KHDC1: variants seen among roughly 807,000 people sequenced by gnomAD.
The protein encoded by KHDC1 is KH homology domain-containing protein 1.
In KHDC1, 21 loss-of-function variants were observed where a neutral mutation model predicts 24.7. The observed-to-expected ratio is 0.85, with a 90% confidence interval of 0.60 to 1.23. The LOEUF (loss-of-function observed/expected upper bound fraction) is 1.23, where lower values mean the gene tolerates loss of function less well. KHDC1 is among the 50% of genes most tolerant of loss of function. The probability of loss-of-function intolerance (pLI) is 0.00; values close to 1 mark genes in which losing one functional copy is unlikely to be tolerated. For synonymous variants in KHDC1, 98 were observed against 111.7 expected, an observed-to-expected ratio of 0.88 and a Z score of 0.77; for missense variants, 274 against 298.5, an observed-to-expected ratio of 0.92 and a Z score of 0.61.
chr6:73,279,575 A>ATT (rs560281126), intron 2 of KHDC1, among the ~76,000 whole-genome samples: 71 of 98,292 alleles, frequency 7.2e-4, no homozygotes, highest in African/African-American at 1.7e-3. Flanking sequence ...GGGACCATGG[A>ATT]TTTTTTTTTT....
At chr6:73,250,708 C>A (rs1766763627) in intron 2 of KHDC1, among the ~76,000 whole-genome samples, 1 of 152,198 alleles carries the variant, frequency 6.6e-6, no homozygotes, top group Non-Finnish European at 1.5e-5. Flanking sequence ...CAGCAGTGTT[C>A]CACTCTCCAA....
In KHDC1 at chr6:73,292,339, G is replaced by A. The variant is rs186597532; in HGVS notation, c.164-299C>T. 1.6e-4 allele frequency: 143 copies of A among 876,212 alleles called. 1 individual carries two copies. The African/African-American group carries it at 2.3e-3, about 14-fold the overall frequency. 54.3% of individuals were successfully genotyped at this position (876,212 alleles called of 1,614,324 possible). ...CGGACAAGCATGGTTTTAGGCAGGA[G>A]TATTTAGATACATTCTACACATATG... is the stretch of plus-strand genomic sequence containing the variant. On this transcript the variant is annotated intron_variant, in intron 1 of 4. Coordinates refer to ENST00000370384, the Ensembl canonical transcript of KHDC1.
At chr6:73,308,809 T>C (rs1768022983) in intron 1 of KHDC1, among the ~76,000 whole-genome samples, 1 of 152,038 alleles carries the variant, frequency 6.6e-6, no homozygotes, top group Non-Finnish European at 1.5e-5. Context: ...TTTTTGCTGT[T>C]GTTTTTTGTT....
Position 73,242,510 on chromosome 6 carries a change from A to G in KHDC1, c.227T>C (p.Met76Thr), listed in dbSNP as rs767717346. The G allele has an allele frequency of 2.3e-5, 37 of 1,613,988 alleles. No individual in the cohort carries two copies. The South Asian group carries it at 3.3e-4, about 14-fold the overall frequency. Residue 76 changes from methionine to threonine, a missense_variant, in exon 3 of 5, where the codon ATG becomes ACG. Transcript: ENST00000370384. ...CTTCTTGCTGAGAGCACTCGTTCCC[A>G]TGTCCATGCTCTGCTCCGACCTGAT...
intron 2 of KHDC1, among the ~76,000 whole-genome samples, chr6:73,286,376 GA>G (rs755582348): frequency 1.3e-5 from 2 of 152,106 alleles, no homozygotes; most frequent in Non-Finnish European, 2.9e-5. Flanking sequence ...TGAAATATAT[GA>G]AAATTCAGAA....
At chr6:73,280,597 C>T (rs918495091) in intron 2 of KHDC1, among the ~76,000 whole-genome samples, 1 of 149,938 alleles carries the variant, frequency 6.7e-6, no homozygotes, top group African/African-American at 2.5e-5. Flanking sequence ...CTCGGCTCAC[C>T]GCAACCTCCA....
intron 2 of KHDC1, among the ~76,000 whole-genome samples, chr6:73,273,297 A>T (rs1452419634): frequency 3.3e-5 from 5 of 149,908 alleles, no homozygotes; most frequent in Admixed American, 2.0e-4. Context: ...CCTCCCAAGT[A>T]GCTGGGATTA....
intron 2 of KHDC1, among the ~76,000 whole-genome samples, chr6:73,253,868 C>T (rs936014070): frequency 6.6e-6 from 1 of 152,056 alleles, no homozygotes. Context: ...GATCATACAC[C>T]GCACTCCAGC....
intron 2 of KHDC1, chr6:73,275,774 CAG>C (rs1767279225): frequency 6.5e-6 from 1 of 154,144 alleles, no homozygotes; most frequent in African/African-American, 2.4e-5. Flanking sequence ...CAGGCTCAAG[CAG>C]AGTCTTCCTC....
chr6:73,279,132 CATG>C (rs1767356437), intron 2 of KHDC1, among the ~76,000 whole-genome samples: 2 of 152,240 alleles, frequency 1.3e-5, no homozygotes, highest in Admixed American at 6.5e-5. Flanking sequence ...GTCAATCTGG[CATG>C]GTGGCTCATG....
At chr6:73,258,943 T>C (rs1285757734) in intron 2 of KHDC1, among the ~76,000 whole-genome samples, 1 of 152,114 alleles carries the variant, frequency 6.6e-6, no homozygotes, top group East Asian at 1.9e-4. Flanking sequence ...AAGCTTTGAG[T>C]GGCTAGGGCT....
chr6:73,278,660 TTTTTA>T (rs1767347070), intron 2 of KHDC1, among the ~76,000 whole-genome samples: 1 of 152,244 alleles, frequency 6.6e-6, no homozygotes, highest in Non-Finnish European at 1.5e-5. Context: ...TGCATTATGA[TTTTTA>T]TTTTATTACA....
At position 73,271,497 on chromosome 6, in the gene KHDC1, G is replaced by A. The variant is rs140399263; in HGVS notation, c.206+20501C>T. 1.3e-3 allele frequency among the ~76,000 whole-genome samples: 196 copies of A among 151,532 alleles called. 3 individuals are homozygous for A. In the East Asian group the frequency reaches 0.016, roughly 13 times the overall value. Reference sequence around the variant, plus strand: ...GCTGGGATTACAGGCGTAATCCACCGTGCCTGGTGTAAAATATATTTTTTA... The same window carrying A: ...GCTGGGATTACAGGCGTAATCCACCATGCCTGGTGTAAAATATATTTTTTA... On this transcript the variant is annotated intron_variant, in intron 2 of 4. Coordinates refer to ENST00000370384, the Ensembl canonical transcript of KHDC1.
chr6:73,296,042 T>G (rs1264791618), intron 1 of KHDC1, among the ~76,000 whole-genome samples: 1 of 151,756 alleles, frequency 6.6e-6, no homozygotes, highest in Non-Finnish European at 1.5e-5. Context: ...CTCGGGAGGC[T>G]GAGGCAGGAG....
At chr6:73,284,486 C>A (rs563776414) in intron 2 of KHDC1, among the ~76,000 whole-genome samples, 102 of 152,238 alleles carry the variant, frequency 6.7e-4, no homozygotes, top group Non-Finnish European at 6.2e-4. Context: ...CATTCCCTAG[C>A]CCCCTGCCCA....
At chr6:73,306,362 C>G (rs967923552) in intron 1 of KHDC1, among the ~76,000 whole-genome samples, 8 of 152,146 alleles carry the variant, frequency 5.3e-5, no homozygotes, top group Non-Finnish European at 1.0e-4. Flanking sequence ...CTTCCCCCAG[C>G]CTCTCCGTTC....
chr6:73,291,488 C>CTT, intron 2 of KHDC1: 12 of 165,712 alleles, frequency 7.2e-5, no homozygotes, highest in Middle Eastern at 2.8e-3. Context: ...AAATTATCCA[C>CTT]TTTTTTTTTT....
chr6:73,253,291 C>G (rs189103770), intron 2 of KHDC1, among the ~76,000 whole-genome samples: 307 of 152,322 alleles, frequency 2.0e-3, no homozygotes, highest in African/African-American at 7.0e-3. Context: ...TACGGTGGCT[C>G]ACGCCTGTAA....
chr6:73,292,693 T>A, intron 1 of KHDC1: 2 of 751,064 alleles, frequency 2.7e-6, no homozygotes, highest in Non-Finnish European at 5.0e-6. Context: ...TCTTAATGTG[T>A]CCACACATTC....
Sources: allele counts gnomAD v4.1 joint callset (sites outside exome capture counted in the v4.1 genomes callset), GRCh38; gene constraint gnomAD v4.1.1; transcripts MANE v1.5; gene names NCBI Gene and HGNC (gene_info 2026-07-23, HGNC 2026-07-21).